The following TBRG1 variants were observed in gnomAD, a reference collection of about 807,000 sequenced individuals.
The protein encoded by TBRG1 is transforming growth factor beta regulator 1.
Under a neutral mutation model 44.0 loss-of-function variants are expected in TBRG1, and 31 were observed. The ratio of observed to expected loss-of-function variants is 0.70; its 90% CI spans 0.53 to 0.95. The LOEUF (loss-of-function observed/expected upper bound fraction) is 0.95. Among genes scored for constraint, TBRG1 ranks in the 40% least tolerant of loss-of-function variants. TBRG1 has a pLI of 0.00. For missense variants in TBRG1, 487 were observed against 496.1 expected, an observed-to-expected ratio of 0.98 and a Z score of 0.18; for synonymous variants, 171 against 188.1, an observed-to-expected ratio of 0.91 and a Z score of 0.74.
intron 3 of TBRG1, 130 bp from the exon 4 acceptor site, chr11:124,626,343 C>G (rs1942468462): frequency 7.0e-6 from 6 of 851,718 alleles, no homozygotes; most frequent in Admixed American, 5.8e-5. Flanking sequence ...GGCGAAAGCC[C>G]CATATGCCCA....
intron 2 of TBRG1, 79 bp downstream of exon 2, chr11:124,625,080 G>C: frequency 1.9e-6 from 2 of 1,044,164 alleles, no homozygotes; most frequent in Non-Finnish European, 2.8e-6. Flanking sequence ...TACTGCTCTG[G>C]AGACTTTTTT....
intron 8 of TBRG1, 95 bp downstream of exon 8, chr11:124,631,512 A>G: frequency 7.7e-7 from 1 of 1,298,456 alleles, no homozygotes; most frequent in South Asian, 1.2e-5. Flanking sequence ...ATATCTATGC[A>G]TTGAGTGATA....
intron 3 of TBRG1, 150 bp from the exon 4 acceptor site, chr11:124,626,323 C>T (rs1175702170): frequency 6.8e-6 from 5 of 737,294 alleles, no homozygotes; most frequent in African/African-American, 1.8e-5. Context: ...GAAAGCTACT[C>T]AGGGCTTTGG....
chr11:124,623,592 A>G (rs1942390465), intron 1 of TBRG1: 1 of 370,086 alleles, frequency 2.7e-6, no homozygotes, highest in Non-Finnish European at 5.2e-6. Context: ...GTAAAATGAG[A>G]ACACTGAAGC....
intron 5 of TBRG1, among the ~76,000 whole-genome samples, chr11:124,628,098 TATATATATATATATATATACACAC>T (rs1183606278): frequency 1.0e-3 from 58 of 56,368 alleles, no homozygotes; most frequent in African/African-American, 2.8e-3. Context: ...TATATATATA[TATATATATATATATATATACACAC>T]ACACACACAC....
At chr11:124,631,715 T>C in intron 8 of TBRG1, 2 of 467,374 alleles carry the variant, frequency 4.3e-6, no homozygotes, top group Non-Finnish European at 7.7e-6. Flanking sequence ...GAAAGTTTAC[T>C]GTGCAGGGAA....
intron 5 of TBRG1, among the ~76,000 whole-genome samples, chr11:124,628,523 TAAAAA>T (rs201184255): frequency 6.5e-5 from 8 of 123,348 alleles, no homozygotes; most frequent in Non-Finnish European, 1.2e-4. Flanking sequence ...AAAGCAATAT[TAAAAA>T]AAAAAAAAAA....
At position 124,631,356 on chromosome 11, in the gene TBRG1, G is replaced by A. The variant is rs1942606707; in HGVS notation, c.1029G>A (p.Met343Ile). 1.9e-6 allele frequency: 3 copies of A among 1,613,930 alleles called. No homozygotes were observed. Among genetic ancestry groups the A allele is most frequent in the Middle Eastern group, 1.6e-4 (1 of 6,062 alleles). Residue 343 changes from methionine to isoleucine, a missense_variant, in exon 8 of 9, where the codon ATG becomes ATA. Transcript: ENST00000441174. ...GGCTGCCGGAGAATGATGCAGCTAT[G>A]AGCTTTGAAGCCTTTCAGAGACAGA... ...PEGLPENDAA[M>I]SFEAFQRQIF...
intron 5 of TBRG1, chr11:124,630,070 T>G (rs1942575092): frequency 8.7e-6 from 2 of 228,992 alleles, no homozygotes; most frequent in South Asian, 6.4e-5. Context: ...GAGAGTGATC[T>G]CATTTGTTTT....
At chr11:124,626,301 C>A (rs947745958) in intron 3 of TBRG1, among the ~76,000 whole-genome samples, 172 bp from the exon 4 acceptor site, 5 of 152,250 alleles carry the variant, frequency 3.3e-5, no homozygotes, top group Non-Finnish European at 5.9e-5. Flanking sequence ...AAGCACTAAT[C>A]TGGGCAGGTT....
At position 124,630,342 on chromosome 11, in the gene TBRG1, CCT is replaced by C. The variant is rs760689920; in HGVS notation, c.739-45_739-44del. The C allele has an allele frequency of 7.2e-6, 9 of 1,249,802 alleles. No individual in the cohort carries two copies. In the South Asian group the frequency reaches 8.4e-5, roughly 12 times the overall value. 77.4% of individuals were successfully genotyped at this position (1,249,802 alleles called of 1,614,324 possible). On this transcript the variant is annotated intron_variant, in intron 5 of 8. Coordinates refer to ENST00000441174, the MANE Select transcript of TBRG1 (RefSeq NM_032811.3). ...TTTACAGAGTAGTATGCCCCTCTCT[CCT>C]TCCTTCTTGAGGATTGATCTCATTG...
At position 124,626,893 on chromosome 11, in the gene TBRG1, GT is replaced by G; in HGVS notation, c.592-5del. On this transcript the variant is annotated splice_polypyrimidine_tract_variant and intron_variant, in intron 4 of 8. Transcript: ENST00000441174. The stretch of plus-strand genomic sequence containing the variant: ...GACCTCAATCCCAGGTTGGGGGAAT[GT>G]TTTTTATAGATCATCACCGACCGAC... The G allele has an allele frequency of 6.2e-7, 1 of 1,602,140 alleles. No homozygotes were observed. Among genetic ancestry groups the G allele is most frequent in the Non-Finnish European group, 8.5e-7 (1 of 1,173,676 alleles).
chr11:124,622,929 G>A lies in TBRG1; in HGVS notation c.-155G>A, dbSNP rs780566098. 7.5e-5 allele frequency: 60 copies of A among 797,344 alleles called. No individual in the cohort carries two copies. The highest frequency in any genetic ancestry group is 1.1e-4 in the Non-Finnish European group (59 of 524,298). 49.4% of individuals were successfully genotyped at this position (797,344 alleles called of 1,614,324 possible). On this transcript the variant is annotated 5_prime_UTR_variant, in exon 1 of 9. Transcript: ENST00000441174. ...GCCCGTTCGGTTGCGGGTGTCTCTG[G>A]CCCTGCGGTCAGCCCTGGGAACGTC... is the stretch of plus-strand genomic sequence containing the variant.
intron 1 of TBRG1, 179 bp downstream of exon 1, chr11:124,623,412 C>CA (rs1248106736): frequency 2.7e-6 from 2 of 738,584 alleles, no homozygotes; most frequent in East Asian, 5.4e-5. Context: ...GTGTCCTCAT[C>CA]TGTAAATGAG....
Position 124,625,703 on chromosome 11 carries a change from C to T in TBRG1, c.254C>T (p.Ala85Val). ...YLLKKLLQLQ[A>V]LTEGEVQAAA... ...CTAAAGAAGCTCCTCCAGCTTCAGG[C>T]TCTAACTGAAGGGGAAGTACAGGCT... The change falls in exon 3 of 9, where the codon GCT becomes GTT. Residue 85 changes from alanine (A) to valine (V), a missense_variant. Ala to Val is a moderately conservative substitution (Grantham distance 64). Coordinates refer to ENST00000441174, the MANE Select transcript of TBRG1 (RefSeq NM_032811.3). 2 of 1,553,018 alleles carry T rather than the reference C, an allele frequency of 1.3e-6. No individual in the cohort carries two copies. The highest frequency in any genetic ancestry group is 2.4e-5 in the East Asian group (1 of 41,110).
At chr11:124,629,449 C>G (rs1455657972) in intron 5 of TBRG1, among the ~76,000 whole-genome samples, 2 of 152,118 alleles carry the variant, frequency 1.3e-5, no homozygotes, top group Admixed American at 6.5e-5. Flanking sequence ...CAAGGTATGC[C>G]ATTGGTTGAA....
chr11:124,628,116 T>TACACACACACAC (rs368617758), intron 5 of TBRG1, among the ~76,000 whole-genome samples: 6 of 41,962 alleles, frequency 1.4e-4, no homozygotes, highest in African/African-American at 4.5e-4. Context: ...TATATATATA[T>TACACACACACAC]ACACACACAC....
chr11:124,628,245 T>C (rs1351585850), intron 5 of TBRG1, among the ~76,000 whole-genome samples: 1 of 150,096 alleles, frequency 6.7e-6, no homozygotes, highest in East Asian at 1.9e-4. Context: ...TTACTTTAGC[T>C]TTATTGAATA....
At chr11:124,628,108 TATATATATACACACACACAC>T (rs1591374975) in intron 5 of TBRG1, among the ~76,000 whole-genome samples, 2 of 52,460 alleles carry the variant, frequency 3.8e-5, no homozygotes, top group East Asian at 3.8e-4. Context: ...TATATATATA[TATATATATACACACACACAC>T]ACACACACAC....
Sources: allele counts gnomAD v4.1 joint callset (sites outside exome capture counted in the v4.1 genomes callset), GRCh38; gene constraint gnomAD v4.1.1; transcripts MANE v1.5; gene names NCBI Gene and HGNC (gene_info 2026-07-23, HGNC 2026-07-21).